Variants in ELN observed in about 807,000 individuals in gnomAD.
The protein encoded by ELN is tropoelastin.
Under a neutral mutation model 105.8 loss-of-function variants are expected in ELN, and 65 were observed. The ratio of observed to expected loss-of-function variants is 0.61; its 90% confidence interval spans 0.50 to 0.75. The LOEUF is 0.75. Among genes scored for constraint, ELN ranks in the 30% least tolerant of loss-of-function variants. ELN has a pLI of 0.00. For missense variants in ELN, 882 were observed against 969.4 expected, an observed-to-expected ratio of 0.91 and a Z score of 1.20; for synonymous variants, 368 against 389.2, an observed-to-expected ratio of 0.95 and a Z score of 0.64.
intron 11 of ELN, 132 bp from the exon 12 acceptor site, chr7:74,046,564 G>T: frequency 1.1e-6 from 1 of 933,502 alleles, no homozygotes; most frequent in East Asian, 2.5e-5. Flanking sequence ...TGGAGATTCA[G>T]GGAGTCCCTC....
intron 4 of ELN, among the ~76,000 whole-genome samples, chr7:74,038,665 T>A (rs1051706549): frequency 1.3e-5 from 2 of 152,198 alleles, no homozygotes; most frequent in Non-Finnish European, 2.9e-5. Context: ...ACGCTCCACA[T>A]GTGACTTTGG....
At chr7:74,064,979 G>A (rs782386315) in intron 29 of ELN, among the ~76,000 whole-genome samples, 10 of 152,120 alleles carry the variant, frequency 6.6e-5, no homozygotes, top group Non-Finnish European at 1.0e-4. Context: ...GGTGGCTCAT[G>A]CCTGTAATCC....
Position 74,064,726 on chromosome 7 carries a change from G to A in ELN, c.1994-968G>A, listed in dbSNP as rs568016280. 5.1e-4 allele frequency among the ~76,000 whole-genome samples: 77 copies of A among 152,270 alleles called. 1 individual carries two copies. In the South Asian group the frequency reaches 0.013, roughly 25 times the overall value. On this transcript the variant is annotated intron_variant, in intron 29 of 32. Coordinates refer to ENST00000252034, the MANE Select transcript of ELN (RefSeq NM_000501.4). ...CTCTTTCAACCCACCTGACCACTGC[G>A]GTGGGAGTAAATTAGGAGAATGATG...
At position 74,065,988 on chromosome 7, in the gene ELN, C is replaced by T. The variant is rs369804770; in HGVS notation, c.2077C>T (p.Pro693Ser). Residue 693 changes from proline (P) to serine (S), a missense_variant, in exon 31 of 33, where the codon CCA becomes TCA. Coordinates refer to ENST00000252034, the MANE Select transcript of ELN (RefSeq NM_000501.4). The part of the protein sequence containing the change: ...GGVLGGAGQF[P>S]LGGVAARPGF... The stretch of plus-strand genomic sequence containing the variant: ...TGTCCTAGGGGGTGCCGGGCAGTTC[C>T]CACTTGGAGGTAGGGGTGGCCAGCT... 2.0e-5 allele frequency: 32 copies of T among 1,613,960 alleles called. No individual in the cohort carries two copies. Among genetic ancestry groups the T allele is most frequent in the East Asian group, 1.8e-4 (8 of 44,892 alleles).
intron 15 of ELN, among the ~76,000 whole-genome samples, chr7:74,048,869 A>G (rs1239699410): frequency 6.6e-6 from 1 of 151,392 alleles, no homozygotes; most frequent in Admixed American, 6.6e-5. Context: ...TCATCCGTCC[A>G]TTCATTCATC....
chr7:74,052,615 C>CAGGAAGGA (rs532589953), intron 17 of ELN: 14 of 141,414 alleles, frequency 9.9e-5, no homozygotes, highest in East Asian at 8.1e-4. Context: ...AAGAGAGAGA[C>CAGGAAGGA]AGGAAGGAAG....
rs1554683251 is a variant in ELN, at chr7:74,060,123, C to T, written c.1577-17C>T. The T allele has an allele frequency of 3.7e-6, 6 of 1,614,072 alleles. No individual in the cohort carries two copies. The highest frequency in any genetic ancestry group is 2.7e-5 in the African/African-American group (2 of 74,934). On this transcript the variant is annotated splice_polypyrimidine_tract_variant and intron_variant, in intron 23 of 32. Transcript: ENST00000252034. ...CCCCGCCTCCATCTCTAATCCCCCT[C>T]TCTCTCCCTCCCTCAGCTGCAGCAA...
At chr7:74,042,811 G>A in intron 6 of ELN, 105 bp downstream of exon 6, 1 of 1,535,254 alleles carries the variant, frequency 6.5e-7, no homozygotes, top group South Asian at 1.1e-5. Context: ...CCGGGTGGGT[G>A]GGATTGTCAG....
At chr7:74,043,285 A>C (rs1791674408) in intron 8 of ELN, 117 bp downstream of exon 8, 1 of 1,446,686 alleles carries the variant, frequency 6.9e-7, no homozygotes, top group Non-Finnish European at 9.4e-7. Flanking sequence ...GCCTGGCTTC[A>C]GTCGGGCAGA....
intron 1 of ELN, among the ~76,000 whole-genome samples, chr7:74,034,313 G>A (rs912440500): frequency 6.6e-6 from 1 of 152,118 alleles, no homozygotes; most frequent in Admixed American, 6.6e-5. Context: ...AGCTCAGCTC[G>A]GGAAGGGAGT....
At chr7:74,035,722 AC>A in intron 2 of ELN, 2 of 449,502 alleles carry the variant, frequency 4.4e-6, no homozygotes. Context: ...ACACACACAC[AC>A]AAATTTAAAA....
At chr7:74,059,160 C>A (rs1181596088) in intron 22 of ELN, among the ~76,000 whole-genome samples, 1 of 152,046 alleles carries the variant, frequency 6.6e-6, no homozygotes, top group South Asian at 2.1e-4. Context: ...CATGAGCCAA[C>A]GTGTCTGGCC....
chr7:74,057,807 T>C, intron 22 of ELN, 111 bp downstream of exon 22: 1 of 1,292,406 alleles, frequency 7.7e-7, no homozygotes, highest in South Asian at 1.2e-5. Flanking sequence ...ACTTAAGCTG[T>C]CACATTCTGG....
In ELN at chr7:74,056,156, T is replaced by C. The variant is rs548262152; in HGVS notation, c.1151-115T>C. The C allele has an allele frequency of 4.9e-5, 69 of 1,418,868 alleles. 1 individual carries two copies. The highest frequency in any genetic ancestry group is 2.3e-5 in the Non-Finnish European group (23 of 1,006,392). 87.9% of individuals were successfully genotyped at this position (1,418,868 alleles called of 1,614,324 possible). The stretch of plus-strand genomic sequence containing the variant: ...AGGCATCCCAGTTTTCTGTCTTTTA[T>C]GGACAAGGCCTGGGGGAAATTTACA... On this transcript the variant is annotated intron_variant, in intron 19 of 32. Transcript: ENST00000252034.
chr7:74,047,785 G>A (rs374464295), intron 13 of ELN, 69 bp downstream of exon 13: 9 of 1,608,874 alleles, frequency 5.6e-6, no homozygotes, highest in East Asian at 2.2e-5. Flanking sequence ...CAAGGGTGCT[G>A]TGCTTCCAGC....
At chr7:74,029,221 T>A (rs1788112657) in intron 1 of ELN, among the ~76,000 whole-genome samples, 2 of 152,016 alleles carry the variant, frequency 1.3e-5, no homozygotes, top group Admixed American at 1.3e-4. Flanking sequence ...TGAATGTGTG[T>A]GCGATGTGGC....
At chr7:74,037,887 G>T (rs920156707) in intron 4 of ELN, 148 bp downstream of exon 4, 9 of 1,226,826 alleles carry the variant, frequency 7.3e-6, no homozygotes, top group Non-Finnish European at 9.3e-6. Context: ...ACACCGATTA[G>T]CCTCCCAAGG....
intron 12 of ELN, among the ~76,000 whole-genome samples, chr7:74,047,311 A>G (rs1290311314): frequency 6.6e-6 from 1 of 152,208 alleles, no homozygotes; most frequent in Admixed American, 6.5e-5. Flanking sequence ...GCTGGTGGAA[A>G]GGAACACGGT....
rs1583910125 is a variant in ELN, at chr7:74,056,688, A to G, written c.1332A>G (p.Ala444=). The G allele has an allele frequency of 6.2e-7, 1 of 1,613,890 alleles. No individual in the cohort carries two copies. Among genetic ancestry groups the G allele is most frequent in the Non-Finnish European group, 8.5e-7 (1 of 1,180,032 alleles). ...GVGISPEAQA[A]AAAKAAKYGV... ...TCCTTGTAGCCGAAGCTCAGGCAGC[A>G]GCTGCCGCCAAGGCTGCCAAGTACG... The change falls in exon 21 of 33, where the codon GCA becomes GCG. Residue 444 remains alanine (A), a synonymous_variant. Coordinates refer to ENST00000252034, the MANE Select transcript of ELN (RefSeq NM_000501.4).
Sources: gnomAD v4.1 joint callset for allele counts (sites outside exome capture counted in the v4.1 genomes callset) on GRCh38, gnomAD v4.1.1 for gene constraint, MANE v1.5 for transcripts, NCBI Gene and HGNC (gene_info 2026-07-23, HGNC 2026-07-21) for gene names.